The following CNIH3 variants were observed in gnomAD, a reference collection of about 807,000 sequenced individuals.
The protein encoded by CNIH3 is protein cornichon homolog 3.
In CNIH3, 14 loss-of-function variants were observed where a neutral mutation model predicts 24.1. The observed-to-expected ratio is 0.58, with a 90% CI of 0.38 to 0.91. CNIH3 has a LOEUF of 0.91. Ranked by LOEUF, CNIH3 falls within the 40% of genes least tolerant of loss-of-function variation. CNIH3 has a pLI of 0.00. For synonymous variants in CNIH3, 68 were observed against 73.8 expected (o/e 0.92, Z 0.40); for missense variants, 178 against 196.8 (o/e 0.90, Z 0.57).
chr1:224,470,725 TG>T (rs1417318413), intron 1 of CNIH3, among the ~76,000 whole-genome samples: 1 of 152,184 alleles, frequency 6.6e-6, no homozygotes, highest in Admixed American at 6.5e-5. Flanking sequence ...CCCAAAGCGC[TG>T]GGTTTACAGG....
chr1:224,666,615 G>A (rs1572687895), intron 1 of CNIH3, among the ~76,000 whole-genome samples: 2 of 152,156 alleles, frequency 1.3e-5, no homozygotes, highest in African/African-American at 4.8e-5. Flanking sequence ...TCGCCAGTTT[G>A]TGGGTTTCTG....
chr1:224,670,138 G>T (rs1209111603), intron 1 of CNIH3, among the ~76,000 whole-genome samples: 1 of 152,200 alleles, frequency 6.6e-6, no homozygotes, highest in Non-Finnish European at 1.5e-5. Context: ...GCAGGGTCAG[G>T]ATGCAAGTGA....
chr1:224,595,294 C>G (rs1036662513), intron 3 of CNIH3, among the ~76,000 whole-genome samples: 3 of 152,226 alleles, frequency 2.0e-5, no homozygotes, highest in African/African-American at 7.2e-5. Context: ...GATCCTCCCA[C>G]CTCAGCCTCC....
intron 1 of CNIH3, among the ~76,000 whole-genome samples, chr1:224,445,104 T>C (rs1675099734): frequency 6.6e-6 from 1 of 152,140 alleles, no homozygotes; most frequent in Admixed American, 6.5e-5. Context: ...AGTAGTATCT[T>C]ATTGTAGTTT....
downstream of CNIH3, among the ~76,000 whole-genome samples, chr1:224,588,911 C>A (rs890965217): frequency 1.5e-5 from 2 of 129,316 alleles, no homozygotes; most frequent in African/African-American, 6.6e-5. Context: ...GTTCTTAAGT[C>A]TGGAGGTGAT....
intron 1 of CNIH3, among the ~76,000 whole-genome samples, chr1:224,640,569 T>A (rs1213641712): frequency 2.0e-5 from 3 of 152,210 alleles, no homozygotes; most frequent in Non-Finnish European, 4.4e-5. Context: ...CTGAATAATT[T>A]ATTTACTCCT....
chr1:224,507,778 G>C (rs958063491), intron 1 of CNIH3, among the ~76,000 whole-genome samples: 7 of 152,170 alleles, frequency 4.6e-5, no homozygotes, highest in African/African-American at 1.4e-4. Flanking sequence ...TACCTCAAGA[G>C]TTCAGGCTTC....
At chr1:224,453,243 T>C (rs1675501610) in intron 1 of CNIH3, among the ~76,000 whole-genome samples, 1 of 152,124 alleles carries the variant, frequency 6.6e-6, no homozygotes, top group Non-Finnish European at 1.5e-5. Context: ...TGATCATGGC[T>C]CACTGCAGCC....
intron 3 of CNIH3, among the ~76,000 whole-genome samples, chr1:224,562,456 AG>A (rs1308054123): frequency 1.3e-5 from 2 of 152,188 alleles, no homozygotes; most frequent in Non-Finnish European, 2.9e-5. Flanking sequence ...TGTGGGTTTA[AG>A]GGAGAAGGGT....
chr1:224,529,301 A>G (rs772543011), intron 2 of CNIH3: 19 of 152,212 alleles, frequency 1.2e-4, no homozygotes, highest in African/African-American at 3.9e-4. Context: ...CAGTTAATTT[A>G]TTTAGCAGCA....
chr1:224,698,560 T>C (rs1687302840), intron 3 of CNIH3, among the ~76,000 whole-genome samples: 1 of 152,246 alleles, frequency 6.6e-6, no homozygotes, highest in Non-Finnish European at 1.5e-5. Context: ...AGTCTCTGCA[T>C]GAGCTAGACT....
intron 3 of CNIH3, among the ~76,000 whole-genome samples, chr1:224,610,332 T>C (rs1048643639): frequency 6.6e-6 from 1 of 152,242 alleles, no homozygotes; most frequent in Non-Finnish European, 1.5e-5. Flanking sequence ...GAATTGTAAT[T>C]TCCATGTGTC....
intron 1 of CNIH3, among the ~76,000 whole-genome samples, chr1:224,445,574 TAAAAAAAAA>T (rs369951294): frequency 3.3e-5 from 3 of 90,422 alleles, no homozygotes; most frequent in African/African-American, 1.0e-4. Flanking sequence ...GGACTCTGCT[TAAAAAAAAA>T]AAAAAAAAAA....
chr1:224,506,386 G>A (rs1017308740), intron 1 of CNIH3, among the ~76,000 whole-genome samples: 1 of 152,204 alleles, frequency 6.6e-6, no homozygotes, highest in Admixed American at 6.5e-5. Context: ...CGTTTTTACT[G>A]TCTTCCCTCC....
intron 4 of CNIH3, among the ~76,000 whole-genome samples, chr1:224,731,513 C>T (rs187349041): frequency 6.6e-6 from 1 of 152,248 alleles, no homozygotes; most frequent in East Asian, 1.9e-4. Flanking sequence ...CATTGGACCC[C>T]AAAGTGTTTT....
At chr1:224,689,721 T>G (rs1022779427) in intron 3 of CNIH3, among the ~76,000 whole-genome samples, 1 of 152,222 alleles carries the variant, frequency 6.6e-6, no homozygotes, top group African/African-American at 2.4e-5. Context: ...AACCACCTCC[T>G]CAGCTTTCTT....
chr1:224,606,245 C>T (rs1682415002), intron 3 of CNIH3, among the ~76,000 whole-genome samples: 1 of 152,162 alleles, frequency 6.6e-6, no homozygotes, highest in Non-Finnish European at 1.5e-5. Flanking sequence ...GTCAGGGTGA[C>T]AGCATTTGTA....
chr1:224,712,134 T>G (rs1179003233), intron 3 of CNIH3, among the ~76,000 whole-genome samples: 1 of 152,204 alleles, frequency 6.6e-6, no homozygotes, highest in African/African-American at 2.4e-5. Flanking sequence ...TAAAGTCCAC[T>G]CACTTTCACG....
intron 1 of CNIH3, among the ~76,000 whole-genome samples, chr1:224,484,954 A>G (rs1264754322): frequency 6.6e-6 from 1 of 152,126 alleles, no homozygotes; most frequent in African/African-American, 2.4e-5. Context: ...GTTCTGGGTC[A>G]GTTTATCTTG....
Sources: gnomAD v4.1 joint callset for allele counts (sites outside exome capture counted in the v4.1 genomes callset) on GRCh38, gnomAD v4.1.1 for gene constraint, MANE v1.5 for transcripts, NCBI Gene and HGNC (gene_info 2026-07-23, HGNC 2026-07-21) for gene names.